Variants in TMCC1 observed in about 807,000 individuals in gnomAD.
TMCC1 encodes the protein transmembrane and coiled-coil domains protein 1.
TMCC1 carries 15 observed loss-of-function variants against 52.4 expected under a neutral mutation model. The ratio of observed to expected loss-of-function variants is 0.29; its 90% CI spans 0.19 to 0.44. The LOEUF is 0.44. Ranked by LOEUF, TMCC1 falls within the 20% of genes least tolerant of loss-of-function variation. TMCC1 has a pLI of 1.00. For missense variants in TMCC1, 503 were observed against 806.0 expected, an observed-to-expected ratio of 0.62 and a Z score of 4.55; for synonymous variants, 279 against 301.9, an observed-to-expected ratio of 0.92 and a Z score of 0.79.
intron 4 of TMCC1, among the ~76,000 whole-genome samples, chr3:129,784,738 G>T (rs2055850559): frequency 6.6e-6 from 1 of 152,054 alleles, no homozygotes; most frequent in South Asian, 2.1e-4. Context: ...GGAGGATGAG[G>T]TAGGAACTTG....
chr3:129,891,992 A>G (rs966563444), intron 1 of TMCC1, among the ~76,000 whole-genome samples: 3 of 152,182 alleles, frequency 2.0e-5, no homozygotes, highest in Admixed American at 2.0e-4. Flanking sequence ...TTGTGCTCAT[A>G]AAAGAGTCCT....
intron 4 of TMCC1, among the ~76,000 whole-genome samples, chr3:129,717,386 T>C (rs1176381968): frequency 3.9e-5 from 6 of 152,222 alleles, no homozygotes; most frequent in Admixed American, 3.3e-4. Context: ...TCTCTAGATT[T>C]TCCTCTTCTC....
chr3:129,773,024 G>A (rs905698627), intron 4 of TMCC1, among the ~76,000 whole-genome samples: 2 of 152,050 alleles, frequency 1.3e-5, no homozygotes, highest in Non-Finnish European at 2.9e-5. Flanking sequence ...TTAACCCAAA[G>A]ACATACTGGC....
intron 3 of TMCC1, among the ~76,000 whole-genome samples, chr3:129,832,358 G>A (rs1186739693): frequency 6.6e-6 from 1 of 152,176 alleles, no homozygotes; most frequent in Non-Finnish European, 1.5e-5. Flanking sequence ...GAGGTCGAAG[G>A]AGTGAAAGGG....
At chr3:129,809,474 T>C (rs1039142042) in intron 4 of TMCC1, among the ~76,000 whole-genome samples, 1 of 152,212 alleles carries the variant, frequency 6.6e-6, no homozygotes, top group African/African-American at 2.4e-5. Flanking sequence ...TAATTTCATT[T>C]GTTCCTGTAG....
chr3:129,761,683 T>A (rs1240481046), intron 4 of TMCC1, among the ~76,000 whole-genome samples: 1 of 152,040 alleles, frequency 6.6e-6, no homozygotes, highest in Non-Finnish European at 1.5e-5. Flanking sequence ...ACTCCAAGAA[T>A]AGAAATGGGA....
At position 129,654,597 on chromosome 3, in the gene TMCC1, T is replaced by C. The variant is rs536589789; in HGVS notation, c.1647+371A>G. Reference sequence around the variant, plus strand: ...GTCAGGCAATGTGCCTATATGAGATTTGGATTTGGCAGCTGGAATAAAAGC... The same window carrying C: ...GTCAGGCAATGTGCCTATATGAGATCTGGATTTGGCAGCTGGAATAAAAGC... On this transcript the variant is annotated intron_variant, in intron 6 of 6. Transcript: ENST00000393238. 5.3e-5 allele frequency among the ~76,000 whole-genome samples: 8 copies of C among 152,306 alleles called. No homozygotes were observed. In the South Asian group the frequency reaches 1.7e-3, roughly 32 times the overall value.
chr3:129,858,067 CAA>C (rs2060224011), intron 2 of TMCC1, among the ~76,000 whole-genome samples: 1 of 152,096 alleles, frequency 6.6e-6, no homozygotes, highest in Non-Finnish European at 1.5e-5. Flanking sequence ...GGAAGTTTTA[CAA>C]TGCTAACACA....
At chr3:129,793,138 T>C (rs559787153) in intron 4 of TMCC1, among the ~76,000 whole-genome samples, 1 of 152,118 alleles carries the variant, frequency 6.6e-6, no homozygotes, top group Admixed American at 6.5e-5. Flanking sequence ...ATTCTTTTTA[T>C]TGTGTAAGAG....
intron 2 of TMCC1, among the ~76,000 whole-genome samples, chr3:129,846,867 T>TAA (rs34419693): frequency 7.2e-5 from 3 of 41,884 alleles, no homozygotes; most frequent in African/African-American, 2.0e-4. Context: ...CAATCTCTAC[T>TAA]AAAAAAAAAA....
chr3:129,875,386 G>A (rs899108194), intron 2 of TMCC1, among the ~76,000 whole-genome samples: 5 of 150,104 alleles, frequency 3.3e-5, no homozygotes, highest in African/African-American at 1.2e-4. Context: ...CAGCTACTTG[G>A]CAGCTGAGGC....
intron 5 of TMCC1, among the ~76,000 whole-genome samples, chr3:129,663,190 G>A (rs2087172621): frequency 6.6e-6 from 1 of 152,140 alleles, no homozygotes; most frequent in Admixed American, 6.5e-5. Context: ...GGAATGCTTT[G>A]ACCTGAAGCA....
intron 4 of TMCC1, among the ~76,000 whole-genome samples, chr3:129,776,617 A>G (rs1172112004): frequency 6.6e-6 from 1 of 152,132 alleles, no homozygotes; most frequent in East Asian, 1.9e-4. Context: ...GGTATACAAG[A>G]ATATTCCTTT....
At chr3:129,776,715 C>T (rs1294945155) in intron 4 of TMCC1, among the ~76,000 whole-genome samples, 2 of 152,178 alleles carry the variant, frequency 1.3e-5, no homozygotes, top group African/African-American at 4.8e-5. Context: ...GTGGCCTCAA[C>T]CTTTAAGGCT....
At chr3:129,851,466 A>G (rs1030733695) in intron 2 of TMCC1, among the ~76,000 whole-genome samples, 1 of 152,260 alleles carries the variant, frequency 6.6e-6, no homozygotes, top group Admixed American at 6.5e-5. Context: ...ACAATGTAAC[A>G]AAAATTCAGT....
chr3:129,886,972 G>T (rs919900924), intron 1 of TMCC1, among the ~76,000 whole-genome samples: 6 of 151,852 alleles, frequency 4.0e-5, no homozygotes, highest in Non-Finnish European at 7.4e-5. Context: ...ACCCCAAAAG[G>T]CCAGGTATTA....
intron 4 of TMCC1, among the ~76,000 whole-genome samples, chr3:129,804,748 T>C (rs999422201): frequency 4.5e-4 from 68 of 152,284 alleles, no homozygotes; most frequent in African/African-American, 1.6e-3. Context: ...CTCAGTAGCA[T>C]AGAGCTTATA....
chr3:129,881,845 A>G (rs1428902284), intron 1 of TMCC1, among the ~76,000 whole-genome samples: 1 of 152,208 alleles, frequency 6.6e-6, no homozygotes, highest in Non-Finnish European at 1.5e-5. Flanking sequence ...AAAGAAAAAG[A>G]GCAGAGCATC....
chr3:129,821,706 C>T (rs767570202), intron 4 of TMCC1, among the ~76,000 whole-genome samples: 18 of 152,044 alleles, frequency 1.2e-4, no homozygotes, highest in South Asian at 4.2e-4. Context: ...TTTTCCATCC[C>T]ACCCTCAAAC....
Sources: gnomAD v4.1 joint callset for allele counts (sites outside exome capture counted in the v4.1 genomes callset) on GRCh38, gnomAD v4.1.1 for gene constraint, MANE v1.5 for transcripts, NCBI Gene and HGNC (gene_info 2026-07-23, HGNC 2026-07-21) for gene names.